Variants in SLC24A4 observed in about 807,000 individuals in gnomAD.
SLC24A4 encodes sodium/potassium/calcium exchanger 4.
SLC24A4 carries 53 observed loss-of-function variants against 79.0 expected under a neutral mutation model. The ratio of observed to expected loss-of-function variants is 0.67; its 90% CI spans 0.54 to 0.84. The LOEUF (loss-of-function observed/expected upper bound fraction) is 0.84, where lower values mean the gene tolerates loss of function less well. SLC24A4 is among the 40% of genes least tolerant of loss of function. The pLI is 0.00. For synonymous variants in SLC24A4, 323 were observed against 323.8 expected (o/e 1.00, Z 0.03); for missense variants, 731 against 822.0 (o/e 0.89, Z 1.35).
chr14:92,354,351 C>A (rs977203362), intron 2 of SLC24A4, among the ~76,000 whole-genome samples: 5 of 151,976 alleles, frequency 3.3e-5, no homozygotes, highest in African/African-American at 4.8e-5. Context: ...CGGGGTTTCA[C>A]TGTATTAGTC....
At chr14:92,483,934 T>C (rs921569389) in intron 13 of SLC24A4, 12 of 1,254,438 alleles carry the variant, frequency 9.6e-6, no homozygotes, top group African/African-American at 3.1e-5. Flanking sequence ...GGGCCACCTT[T>C]CCCTTAACTC....
Position 92,491,791 on chromosome 14 carries a change from A to T in SLC24A4, c.1650+14A>T. On this transcript the variant is annotated intron_variant, in intron 15 of 16. Coordinates refer to ENST00000532405, the MANE Select transcript of SLC24A4 (RefSeq NM_153646.4). ...TATGGATCAACAGTAAGTTCCTCTC[A>T]CCTTTAACAGATGTGTTTTACCCAG... is the stretch of plus-strand genomic sequence containing the variant. 6.3e-7 allele frequency: 1 copy of T among 1,586,402 alleles called. No individual in the cohort carries two copies. Among genetic ancestry groups the T allele is most frequent in the Non-Finnish European group, 8.7e-7 (1 of 1,154,822 alleles).
At chr14:92,389,706 C>G (rs1889360891) in intron 2 of SLC24A4, among the ~76,000 whole-genome samples, 1 of 152,326 alleles carries the variant, frequency 6.6e-6, no homozygotes, top group Middle Eastern at 3.4e-3. Context: ...AGCCACATCC[C>G]CTGTGCTAAG....
intron 2 of SLC24A4, among the ~76,000 whole-genome samples, chr14:92,413,936 G>A (rs1167472393): frequency 1.3e-5 from 2 of 152,306 alleles, no homozygotes; most frequent in South Asian, 4.1e-4. Context: ...GAAGGGGTGA[G>A]AATCAGATAA....
intron 2 of SLC24A4, among the ~76,000 whole-genome samples, chr14:92,384,054 G>A (rs191267130): frequency 3.4e-3 from 524 of 152,312 alleles, no homozygotes; most frequent in Non-Finnish European, 5.8e-3. Context: ...AACACTGAGC[G>A]AAATGAATTT....
chr14:92,445,858 A>G (rs1489956982), intron 8 of SLC24A4, among the ~76,000 whole-genome samples: 1 of 152,230 alleles, frequency 6.6e-6, no homozygotes, highest in African/African-American at 2.4e-5. Context: ...CAAAGAAAAT[A>G]TAGAGACTCA....
intron 11 of SLC24A4, 136 bp from the exon 12 acceptor site, chr14:92,456,268 C>T (rs966051251): frequency 1.0e-5 from 8 of 775,632 alleles, no homozygotes; most frequent in African/African-American, 8.6e-5. Context: ...GGGGCTGATT[C>T]TCAGGCAAAC....
intron 2 of SLC24A4, among the ~76,000 whole-genome samples, chr14:92,365,495 T>C (rs554090577): frequency 6.6e-6 from 1 of 152,358 alleles, no homozygotes; most frequent in Admixed American, 6.5e-5. Flanking sequence ...CTCTGCTGCC[T>C]GAGCCCTTGT....
intron 2 of SLC24A4, among the ~76,000 whole-genome samples, chr14:92,413,637 C>G (rs889955812): frequency 1.3e-5 from 2 of 152,204 alleles, no homozygotes; most frequent in Non-Finnish European, 2.9e-5. Flanking sequence ...CAGCACAAAT[C>G]CTCCCAGTAG....
At chr14:92,356,690 G>A (rs997441406) in intron 2 of SLC24A4, among the ~76,000 whole-genome samples, 1 of 152,216 alleles carries the variant, frequency 6.6e-6, no homozygotes, top group Non-Finnish European at 1.5e-5. Context: ...CATTGGCATG[G>A]TATAGACCTT....
chr14:92,453,849 G>T (rs750573917), intron 10 of SLC24A4, 51 bp from the exon 11 acceptor site: 1 of 1,521,406 alleles, frequency 6.6e-7, no homozygotes, highest in South Asian at 1.3e-5. Context: ...CCCAGCACTT[G>T]GGTGTTGTCC....
At position 92,482,720 on chromosome 14, in the gene SLC24A4, C is replaced by T; in HGVS notation, c.1296C>T (p.Pro432=). The stretch of plus-strand genomic sequence containing the variant: ...AGGTCAAGTGGGTGTTCACCTGGCC[C>T]CTCATCTTCCTCCTGTGCGTCACCA... ...GDKVKWVFTW[P]LIFLLCVTIP... Residue 432 remains proline, a synonymous_variant, in exon 13 of 17, where the codon CCC becomes CCT. Transcript: ENST00000532405. The T allele has an allele frequency of 6.2e-7, 1 of 1,614,100 alleles. No individual in the cohort carries two copies. Among genetic ancestry groups the T allele is most frequent in the Non-Finnish European group, 8.5e-7 (1 of 1,179,972 alleles).
intron 5 of SLC24A4, 93 bp from the exon 6 acceptor site, chr14:92,442,620 A>G: frequency 1.1e-6 from 1 of 890,772 alleles, no homozygotes. Flanking sequence ...TTGTTAGTAA[A>G]GCAACCCACT....
chr14:92,364,591 A>G (rs1887718432), intron 2 of SLC24A4, among the ~76,000 whole-genome samples: 1 of 152,204 alleles, frequency 6.6e-6, no homozygotes, highest in Non-Finnish European at 1.5e-5. Flanking sequence ...AGCCCAGTGG[A>G]AAATGGCCTT....
At chr14:92,379,738 C>T (rs944181293) in intron 2 of SLC24A4, among the ~76,000 whole-genome samples, 8 of 152,078 alleles carry the variant, frequency 5.3e-5, no homozygotes, top group Non-Finnish European at 1.0e-4. Context: ...CTTGTTCCCA[C>T]GAGGGCCAAC....
chr14:92,330,845 G>T (rs565854059), intron 2 of SLC24A4, among the ~76,000 whole-genome samples: 4 of 152,274 alleles, frequency 2.6e-5, no homozygotes, highest in South Asian at 4.1e-4. Context: ...CAAAAGCCCT[G>T]CCTCCAAATA....
Position 92,324,169 on chromosome 14 carries a change from G to T in SLC24A4, c.130+209G>T, listed in dbSNP as rs4144268. Among the ~76,000 whole-genome samples, 133,998 of 152,218 alleles carry T rather than the reference G, an allele frequency of 0.88. 61,470 individuals are homozygous for T. The highest frequency in any genetic ancestry group is 1 in the East Asian group (5,154 of 5,154). ...GCGCCGGTTCCCCTGAGCTACGAGC[G>T]GCCCCTGGGGGGGCTCAGGACGCGG... On this transcript the variant is annotated intron_variant, in intron 1 of 16. Transcript: ENST00000532405.
chr14:92,472,898 C>T lies in SLC24A4; in HGVS notation c.1256-9782C>T, dbSNP rs182182008. On this transcript the variant is annotated intron_variant, in intron 12 of 16. Coordinates refer to ENST00000532405, the MANE Select transcript of SLC24A4 (RefSeq NM_153646.4). ...ATAGTGGTTGTCCTAGTTGACATTC[C>T]CACCAGCCTGTAGAAGTTACTCAGT... Among the ~76,000 whole-genome samples, 16 of 152,242 alleles carry T rather than the reference C, an allele frequency of 1.1e-4. No homozygotes were observed. The East Asian group carries it at 1.7e-3, about 17-fold the overall frequency.
chr14:92,487,237 C>CG (rs1895418638), intron 14 of SLC24A4, among the ~76,000 whole-genome samples: 1 of 152,154 alleles, frequency 6.6e-6, no homozygotes, highest in African/African-American at 2.4e-5. Flanking sequence ...GGGCTTACTA[C>CG]GTGGCATGGG....
Sources: allele counts gnomAD v4.1 joint callset (sites outside exome capture counted in the v4.1 genomes callset), GRCh38; gene constraint gnomAD v4.1.1; transcripts MANE v1.5; gene names NCBI Gene and HGNC (gene_info 2026-07-23, HGNC 2026-07-21).